The following TNRC6A variants were observed in gnomAD, a reference collection of about 807,000 sequenced individuals.
The protein encoded by TNRC6A is trinucleotide repeat containing adaptor 6A.
TNRC6A carries 44 observed loss-of-function variants against 221.2 expected under a neutral mutation model. That is an observed-to-expected ratio of 0.20 (90% CI 0.16 to 0.26). The LOEUF is 0.26. Among genes scored for constraint, TNRC6A ranks in the 10% least tolerant of loss-of-function variants. TNRC6A has a pLI of 1.00. For missense variants in TNRC6A, 2,199 were observed against 2,404.4 expected, an observed-to-expected ratio of 0.91 and a Z score of 1.79; for synonymous variants, 847 against 838.5, an observed-to-expected ratio of 1.01 and a Z score of -0.18.
intron 7 of TNRC6A, among the ~76,000 whole-genome samples, chr16:24,793,942 CT>C (rs2058165292): frequency 6.6e-6 from 1 of 152,178 alleles, no homozygotes; most frequent in African/African-American, 2.4e-5. Flanking sequence ...CTACTAGCAA[CT>C]TTCATGCCAT....
At chr16:24,680,596 AG>A (rs2055512514) in intron 2 of TNRC6A, among the ~76,000 whole-genome samples, 1 of 151,566 alleles carries the variant, frequency 6.6e-6, no homozygotes, top group Admixed American at 6.6e-5. Context: ...ACGCACCTGT[AG>A]TCCCAGATAC....
At chr16:24,795,001 G>A (rs561683412) in intron 8 of TNRC6A, among the ~76,000 whole-genome samples, 16 of 152,244 alleles carry the variant, frequency 1.1e-4, no homozygotes, top group African/African-American at 3.9e-4. Flanking sequence ...CTGCAGTGGT[G>A]AGGATGAAGA....
intron 3 of TNRC6A, among the ~76,000 whole-genome samples, chr16:24,754,205 G>A (rs1295230767): frequency 6.6e-6 from 1 of 151,950 alleles, no homozygotes; most frequent in Non-Finnish European, 1.5e-5. Flanking sequence ...TAAATAAAAA[G>A]CCAGATAACA....
intron 2 of TNRC6A, among the ~76,000 whole-genome samples, chr16:24,720,691 C>CA (rs60226517): frequency 0.18 from 5,179 of 28,396 alleles, 361 homozygotes; most frequent in African/African-American, 0.36. Flanking sequence ...AACTTCATCT[C>CA]AAAAAAAAAA....
At chr16:24,680,209 G>T (rs887350896) in intron 2 of TNRC6A, among the ~76,000 whole-genome samples, 2 of 151,504 alleles carry the variant, frequency 1.3e-5, no homozygotes, top group Non-Finnish European at 2.9e-5. Flanking sequence ...GCGGGAGGAT[G>T]ACTTATCCAA....
chr16:24,736,200 CA>C (rs1376326945), intron 2 of TNRC6A, among the ~76,000 whole-genome samples: 1 of 152,182 alleles, frequency 6.6e-6, no homozygotes, highest in East Asian at 1.9e-4. Flanking sequence ...TAACCTTAAG[CA>C]AAATTGGAAA....
intron 14 of TNRC6A, 81 bp from the exon 15 acceptor site, chr16:24,805,524 T>C (rs752150728): frequency 1.3e-5 from 20 of 1,564,216 alleles, no homozygotes; most frequent in Non-Finnish European, 1.5e-5. Context: ...AACTGCTCTA[T>C]TGACAACTGA....
chr16:24,612,233 C>T (rs1043786159), intron 1 of TNRC6A, among the ~76,000 whole-genome samples: 2 of 152,130 alleles, frequency 1.3e-5, no homozygotes, highest in Admixed American at 6.6e-5. Flanking sequence ...AACGTCTGTT[C>T]GGCAAGAAAC....
chr16:24,688,188 C>G (rs1275248348), intron 2 of TNRC6A, among the ~76,000 whole-genome samples: 1 of 151,578 alleles, frequency 6.6e-6, no homozygotes, highest in African/African-American at 2.4e-5. Flanking sequence ...ATCTGCTGAT[C>G]TTGGCCTCCC....
At chr16:24,671,098 G>A in intron 2 of TNRC6A, 1 of 270,478 alleles carries the variant, frequency 3.7e-6, no homozygotes, top group Non-Finnish European at 8.2e-6. Context: ...CCGCGCCAAG[G>A]TCACCCACCA....
intron 3 of TNRC6A, among the ~76,000 whole-genome samples, chr16:24,755,293 G>A (rs1383450904): frequency 6.6e-6 from 1 of 152,122 alleles, no homozygotes; most frequent in Admixed American, 6.5e-5. Flanking sequence ...AGACATTGTA[G>A]ATGATCAGAA....
At chr16:24,779,530 C>G (rs764500763) in intron 5 of TNRC6A, among the ~76,000 whole-genome samples, 3 of 152,158 alleles carry the variant, frequency 2.0e-5, no homozygotes, top group Non-Finnish European at 2.9e-5. Flanking sequence ...AGTTAGGTAT[C>G]TCCAGCTCCT....
chr16:24,621,032 C>T (rs1390418697), intron 1 of TNRC6A, among the ~76,000 whole-genome samples: 4 of 138,116 alleles, frequency 2.9e-5, no homozygotes, highest in African/African-American at 5.5e-5. Flanking sequence ...TGCAGTGAGC[C>T]GAGATCACAC....
intron 2 of TNRC6A, among the ~76,000 whole-genome samples, chr16:24,645,483 C>A (rs1317818468): frequency 1.3e-5 from 2 of 150,848 alleles, no homozygotes; most frequent in South Asian, 4.2e-4. Context: ...GAGTGAGACC[C>A]TGTCTCAAAA....
At chr16:24,697,981 C>T (rs1304659102) in intron 2 of TNRC6A, among the ~76,000 whole-genome samples, 4 of 150,228 alleles carry the variant, frequency 2.7e-5, no homozygotes, top group Non-Finnish European at 5.9e-5. Flanking sequence ...AGAGATTGCA[C>T]CACTGCACTC....
intron 20 of TNRC6A, among the ~76,000 whole-genome samples, chr16:24,817,621 A>AT (rs2058681464): frequency 6.6e-6 from 1 of 152,162 alleles, no homozygotes; most frequent in Admixed American, 6.5e-5. Context: ...TTCATCCATG[A>AT]TTTTGTACCA....
intron 2 of TNRC6A, among the ~76,000 whole-genome samples, chr16:24,651,487 G>C (rs1902647972): frequency 7.4e-6 from 1 of 135,312 alleles, no homozygotes; most frequent in African/African-American, 2.7e-5. Context: ...GCGGTGAGCT[G>C]AGATCGTGCC....
At chr16:24,718,895 G>C (rs1407817514) in intron 2 of TNRC6A, among the ~76,000 whole-genome samples, 2 of 151,702 alleles carry the variant, frequency 1.3e-5, no homozygotes, top group Non-Finnish European at 2.9e-5. Flanking sequence ...AAATTAGCCG[G>C]GCATGGTGGT....
intron 7 of TNRC6A, among the ~76,000 whole-genome samples, 176 bp downstream of exon 7, chr16:24,793,825 C>T (rs1463880162): frequency 6.6e-6 from 1 of 152,134 alleles, no homozygotes; most frequent in Non-Finnish European, 1.5e-5. Context: ...TATTCTCTTT[C>T]TGAATTTTCC....
Sources: gnomAD v4.1 joint callset for allele counts (sites outside exome capture counted in the v4.1 genomes callset) on GRCh38, gnomAD v4.1.1 for gene constraint, MANE v1.5 for transcripts, NCBI Gene and HGNC (gene_info 2026-07-23, HGNC 2026-07-21) for gene names.